TFEC: variants seen among roughly 807,000 people sequenced by gnomAD.
TFEC encodes the protein transcription factor EC, also known as class E basic helix-loop-helix protein 34.
TFEC carries 31 observed loss-of-function variants against 41.6 expected under a neutral mutation model. The ratio of observed to expected loss-of-function variants is 0.74; its 90% CI spans 0.56 to 1.01. The LOEUF (loss-of-function observed/expected upper bound fraction) is 1.01, where lower values mean the gene tolerates loss of function less well. TFEC is among the 50% of genes least tolerant of loss of function. TFEC has a pLI of 0.00. For synonymous variants in TFEC, 143 were observed against 140.6 expected, an observed-to-expected ratio of 1.02 and a Z score of -0.12; for missense variants, 402 against 404.1, an observed-to-expected ratio of 0.99 and a Z score of 0.04.
chr7:116,069,877 G>C (rs963768604), intron 3 of TFEC, among the ~76,000 whole-genome samples: 1 of 151,486 alleles, frequency 6.6e-6, no homozygotes, highest in Non-Finnish European at 1.5e-5. Flanking sequence ...ATTTTAATCT[G>C]TCAAAATATG....
chr7:116,067,742 A>G (rs111345665), intron 3 of TFEC, among the ~76,000 whole-genome samples: 59 of 152,152 alleles, frequency 3.9e-4, no homozygotes, highest in African/African-American at 1.3e-3. Flanking sequence ...ATCATTAGCC[A>G]TAATGGACTA....
chr7:116,151,846 G>A (rs1027053513), intron 1 of TFEC, among the ~76,000 whole-genome samples: 9 of 152,012 alleles, frequency 5.9e-5, no homozygotes, highest in African/African-American at 2.2e-4. Context: ...GTTTCACTGG[G>A]TTAAATATTT....
intron 3 of TFEC, among the ~76,000 whole-genome samples, chr7:116,054,491 A>G (rs1796383613): frequency 6.6e-6 from 1 of 152,192 alleles, no homozygotes; most frequent in South Asian, 2.1e-4. Context: ...AGTCATCAAG[A>G]CAGAACTAGT....
At chr7:115,978,361 G>A (rs1793478757) in intron 2 of TFEC, among the ~76,000 whole-genome samples, 1 of 152,142 alleles carries the variant, frequency 6.6e-6, no homozygotes, top group Non-Finnish European at 1.5e-5. Context: ...CTGTGGAAAA[G>A]TACATCAACA....
At chr7:116,074,876 C>A (rs1796919388) in intron 3 of TFEC, among the ~76,000 whole-genome samples, 1 of 152,122 alleles carries the variant, frequency 6.6e-6, no homozygotes, top group Non-Finnish European at 1.5e-5. Flanking sequence ...AAATGTCCAC[C>A]AATTGATAAA....
chr7:116,033,329 C>T (rs1385574510), upstream of TFEC, among the ~76,000 whole-genome samples: 1 of 152,030 alleles, frequency 6.6e-6, no homozygotes, highest in Non-Finnish European at 1.5e-5. Context: ...AGCTATGGCA[C>T]CTTGGTTAAA....
chr7:116,051,284 C>A (rs1175024290), intron 3 of TFEC, among the ~76,000 whole-genome samples: 1 of 152,138 alleles, frequency 6.6e-6, no homozygotes, highest in Non-Finnish European at 1.5e-5. Flanking sequence ...TACCATAGAA[C>A]TTAAAGTAAA....
chr7:115,986,228 C>T (rs1793849788), intron 1 of TFEC, among the ~76,000 whole-genome samples: 1 of 152,042 alleles, frequency 6.6e-6, no homozygotes, highest in Admixed American at 6.6e-5. Context: ...TAATATTAAG[C>T]AACAGATACT....
At chr7:116,096,187 C>T (rs1009110202) in intron 3 of TFEC, among the ~76,000 whole-genome samples, 4 of 152,040 alleles carry the variant, frequency 2.6e-5, no homozygotes, top group African/African-American at 9.7e-5. Context: ...ATCAACACTC[C>T]CCGCTCCACA....
At chr7:116,080,928 GGAA>G (rs1484607618) in intron 3 of TFEC, among the ~76,000 whole-genome samples, 2 of 151,074 alleles carry the variant, frequency 1.3e-5, no homozygotes, top group African/African-American at 4.9e-5. Context: ...GCAAAAATAT[GGAA>G]GAAGCCCAAA....
chr7:116,086,926 T>G (rs1015644312), intron 3 of TFEC, among the ~76,000 whole-genome samples: 1 of 151,978 alleles, frequency 6.6e-6, no homozygotes, highest in Non-Finnish European at 1.5e-5. Context: ...GATGTGATAG[T>G]TCTAAATCCA....
At chr7:115,994,953 T>C (rs949751385) in intron 1 of TFEC, among the ~76,000 whole-genome samples, 4 of 151,976 alleles carry the variant, frequency 2.6e-5, no homozygotes, top group Non-Finnish European at 2.9e-5. Context: ...AACCCAAATG[T>C]CCATCAATGA....
At chr7:116,062,560 C>CATATATATATATATAT (rs57742551) in intron 3 of TFEC, among the ~76,000 whole-genome samples, 9 of 101,704 alleles carry the variant, frequency 8.8e-5, no homozygotes, top group African/African-American at 1.4e-4. Context: ...GAGTAGTACT[C>CATATATATATATATAT]ATATATATAT....
Sources: gnomAD v4.1 joint callset for allele counts (sites outside exome capture counted in the v4.1 genomes callset) on GRCh38, gnomAD v4.1.1 for gene constraint, MANE v1.5 for transcripts, NCBI Gene and HGNC (gene_info 2026-07-23, HGNC 2026-07-21) for gene names.